PRDM16: variants seen among roughly 807,000 people sequenced by gnomAD.
The protein encoded by PRDM16 is PR/SET domain 16, also known as histone-lysine N-methyltransferase PRDM16.
A neutral mutation model predicts 110.6 loss-of-function variants in PRDM16; 23 were observed. The observed-to-expected ratio is 0.21, with a 90% CI of 0.15 to 0.29. The LOEUF (loss-of-function observed/expected upper bound fraction) is 0.29. PRDM16 is among the 10% of genes least tolerant of loss of function. The pLI, the probability that PRDM16 is intolerant of heterozygous loss-of-function variation, is 1.00. For missense variants in PRDM16, 1,615 were observed against 1,794.3 expected (o/e 0.90, Z 1.81); for synonymous variants, 799 against 781.8 (o/e 1.02, Z -0.37).
intron 1 of PRDM16, among the ~76,000 whole-genome samples, chr1:3,120,637 G>A (rs911630870): frequency 2.0e-5 from 3 of 152,226 alleles, no homozygotes; most frequent in Non-Finnish European, 2.9e-5. Flanking sequence ...CCCTGGGAGC[G>A]GGAGGATGCC....
chr1:3,316,108 C>T (rs369839804), intron 3 of PRDM16, among the ~76,000 whole-genome samples: 2 of 124,646 alleles, frequency 1.6e-5, no homozygotes, highest in East Asian at 2.7e-4. Flanking sequence ...CCTTTTTAAA[C>T]GTTTCAGGCA....
intron 3 of PRDM16, among the ~76,000 whole-genome samples, chr1:3,371,004 TCATC>T (rs1240734448): frequency 7.1e-6 from 1 of 140,020 alleles, no homozygotes; most frequent in Non-Finnish European, 1.6e-5. Context: ...CACCATCTAT[TCATC>T]CATCCATCCA....
At chr1:3,418,513 G>A (rs536090474) in intron 11 of PRDM16, among the ~76,000 whole-genome samples, 154 bp from the exon 12 acceptor site, 1 of 152,318 alleles carries the variant, frequency 6.6e-6, no homozygotes, top group African/African-American at 2.4e-5. Flanking sequence ...CTGGGCTTCA[G>A]GGCCGTGGAA....
intron 10 of PRDM16, among the ~76,000 whole-genome samples, chr1:3,415,658 C>T (rs1338871825): frequency 5.9e-5 from 9 of 152,230 alleles, no homozygotes; most frequent in Non-Finnish European, 1.0e-4. Flanking sequence ...CGGAGCAAGC[C>T]GGGCGGGAGA....
In PRDM16 at chr1:3,069,318, GC is replaced by G; in HGVS notation, c.37+23del. 7.7e-7 allele frequency: 1 copy of G among 1,295,178 alleles called. No individual in the cohort carries two copies. The highest frequency in any genetic ancestry group is 1.0e-6 in the Non-Finnish European group (1 of 997,556). The allele number at this position is 1,295,178 out of a possible 1,614,324, so 80.2% of individuals were successfully genotyped here. ...AAAAGTAAGTCTCCCGCGCTCGGCCGCGCCGCGCCGCCGGGGCCCGGGCCGC... is the reference window on the plus strand; with the variant it reads ...AAAAGTAAGTCTCCCGCGCTCGGCCGGCCGCGCCGCCGGGGCCCGGGCCGC... On this transcript the variant is annotated intron_variant, in intron 1 of 16. Transcript: ENST00000270722. The surrounding 1 kb of genome is among the most constrained non-coding windows in gnomAD (Gnocchi z 6.1).
intron 2 of PRDM16, among the ~76,000 whole-genome samples, chr1:3,214,825 A>C (rs865815781): frequency 5.3e-5 from 8 of 152,146 alleles, no homozygotes; most frequent in South Asian, 4.2e-4. Flanking sequence ...AGATGGTTAC[A>C]ATGAGCTTGA....
intron 3 of PRDM16, among the ~76,000 whole-genome samples, chr1:3,383,838 C>T (rs1643148535): frequency 1.2e-5 from 1 of 82,530 alleles, no homozygotes; most frequent in Non-Finnish European, 3.1e-5. Context: ...CAAAGACACA[C>T]CTGCCTAAGG....
chr1:3,323,002 G>C (rs1197486519), intron 3 of PRDM16, among the ~76,000 whole-genome samples: 2 of 152,196 alleles, frequency 1.3e-5, no homozygotes, highest in African/African-American at 4.8e-5. Flanking sequence ...GGGTCCCTTT[G>C]GTCCTGGGCA....
intron 3 of PRDM16, among the ~76,000 whole-genome samples, chr1:3,273,698 G>T (rs1206673808): frequency 6.6e-6 from 1 of 151,936 alleles, no homozygotes. Context: ...TGTGGCAGGT[G>T]TGTGTGCATG....
At chr1:3,114,175 GCACACACACGCACACA>G (rs1174246861) in intron 1 of PRDM16, among the ~76,000 whole-genome samples, 7,374 of 112,922 alleles carry the variant, frequency 0.065, 388 homozygotes, top group East Asian at 0.25. Context: ...GCACACACAC[GCACACACACGCACACA>G]CGCACACGCA....
At position 3,436,246 on chromosome 1, in the gene PRDM16, C is replaced by T. The variant is rs1363407302; in HGVS notation, c.*2435C>T. On this transcript the variant is annotated 3_prime_UTR_variant, in exon 17 of 17. Transcript: ENST00000270722. Reference sequence around the variant, plus strand: ...CCCCGTCTCTCTGAAGTGGGACATTCGGACGGATGGAGCCCTCAGCGTGTC... The same window carrying T: ...CCCCGTCTCTCTGAAGTGGGACATTTGGACGGATGGAGCCCTCAGCGTGTC... 6 of 228,868 alleles carry T rather than the reference C, an allele frequency of 2.6e-5. No homozygotes were observed. Among genetic ancestry groups the T allele is most frequent in the Non-Finnish European group, 5.2e-5 (6 of 115,728 alleles). The allele number at this position is 228,868 out of a possible 1,614,324, so 14.2% of individuals were successfully genotyped here.
rs775646015 is a variant in PRDM16 at position 3,411,889 on chromosome 1, C to T, written c.1692C>T (p.Asn564=). The part of the protein sequence containing the change: ...PALPLVSAVS[N]SSQGTTAAAG... ...TGCCCCTGGTCTCCGCCGTCAGCAA[C>T]AGCAGCCAGGGCACGACGGCAGCTG... The change falls in exon 9 of 17, where the codon AAC becomes AAT. Residue 564 remains asparagine, a synonymous_variant. Transcript: ENST00000270722. 15 of 1,613,392 alleles carry T rather than the reference C, an allele frequency of 9.3e-6. No homozygotes were observed. The highest frequency in any genetic ancestry group is 1.2e-5 in the Non-Finnish European group (14 of 1,179,616).
intron 3 of PRDM16, among the ~76,000 whole-genome samples, chr1:3,271,056 G>C (rs374119859): frequency 6.6e-6 from 1 of 152,158 alleles, no homozygotes. Flanking sequence ...TCCCAGTCCC[G>C]GCTGTGGCCG....
intron 3 of PRDM16, among the ~76,000 whole-genome samples, chr1:3,297,907 C>G (rs1036900437): frequency 6.6e-6 from 1 of 151,536 alleles, no homozygotes; most frequent in East Asian, 1.9e-4. Context: ...AGGGGCCAGA[C>G]TGCATGGCAA....
At chr1:3,313,920 G>A (rs1468569072) in intron 3 of PRDM16, among the ~76,000 whole-genome samples, 5 of 152,254 alleles carry the variant, frequency 3.3e-5, no homozygotes, top group African/African-American at 7.2e-5. Flanking sequence ...CCCTGGCTGC[G>A]ATTTATTGCC....
chr1:3,230,818 C>A (rs1350171677), intron 2 of PRDM16, among the ~76,000 whole-genome samples: 1 of 152,232 alleles, frequency 6.6e-6, no homozygotes, highest in Non-Finnish European at 1.5e-5. Context: ...GCCTCGGGCA[C>A]CATGAGGCAT....
chr1:3,232,279 C>T (rs1012558629), intron 2 of PRDM16, among the ~76,000 whole-genome samples: 8 of 152,190 alleles, frequency 5.3e-5, no homozygotes, highest in Admixed American at 2.0e-4. Context: ...TGGAGCTGCA[C>T]GGCCTGAGTT....
rs911964360 is a variant in PRDM16, at chr1:3,093,984, C to G, written c.37+24688C>G. On this transcript the variant is annotated intron_variant, in intron 1 of 16. Coordinates refer to ENST00000270722, the MANE Select transcript of PRDM16 (RefSeq NM_022114.4). Reference sequence around the variant, plus strand: ...GTTGCCATGAGTGTGTGGGCTTCTGCGATTCTGTGGTCAGGCTGCTGTGTT... The same window carrying G: ...GTTGCCATGAGTGTGTGGGCTTCTGGGATTCTGTGGTCAGGCTGCTGTGTT... Among the ~76,000 whole-genome samples, 4 of 152,182 alleles carry G rather than the reference C, an allele frequency of 2.6e-5. No homozygotes were observed. In the East Asian group the frequency reaches 7.7e-4, roughly 29 times the overall value.
rs2100702141 is a variant in PRDM16 at position 3,431,015 on chromosome 1, T to C, written c.3428T>C (p.Val1143Ala). The C allele has an allele frequency of 6.3e-7, 1 of 1,581,358 alleles. No individual in the cohort carries two copies. Among genetic ancestry groups the C allele is most frequent in the Non-Finnish European group, 8.6e-7 (1 of 1,163,784 alleles). The part of the protein sequence containing the change: ...SLAGKSQDDT[V>A]SPAPEPQAAY... ...GCCGGGAAGTCGCAGGATGACACCG[T>C]GTCCCCCGCACCCGAGCCCCAGGCC... The change falls in exon 15 of 17, where the codon GTG (valine) becomes GCG (alanine). Residue 1143 changes from valine (V) to alanine (A), a missense_variant. By Grantham distance (64) the Val-to-Ala change is moderately conservative. Around this residue, in one of 5 missense-constraint regions of PRDM16, gnomAD observed 327 missense variants for 359.3 expected, o/e 0.91. Transcript: ENST00000270722.
Sources: gnomAD v4.1 joint callset for allele counts (sites outside exome capture counted in the v4.1 genomes callset) on GRCh38, gnomAD v4.1.1 for gene constraint, gnomAD v4.1.1 regional missense constraint, Gnocchi (gnomAD v3.1) non-coding constraint, MANE v1.5 for transcripts, NCBI Gene and HGNC (gene_info 2026-07-23, HGNC 2026-07-21) for gene names.